Variants in DPF3 observed in about 807,000 individuals in gnomAD.
The protein encoded by DPF3 is zinc finger protein DPF3.
DPF3 carries 18 observed loss-of-function variants against 56.8 expected under a neutral mutation model. That is an observed-to-expected ratio of 0.32 (90% CI 0.22 to 0.47). The LOEUF (loss-of-function observed/expected upper bound fraction) is 0.47, where lower values mean the gene tolerates loss of function less well. DPF3 is among the 20% of genes least tolerant of loss of function. DPF3 has a pLI of 1.00. For synonymous variants in DPF3, 188 were observed against 180.2 expected (o/e 1.04, Z -0.35); for missense variants, 403 against 488.8 (o/e 0.82, Z 1.65).
intron 1 of DPF3, among the ~76,000 whole-genome samples, chr14:72,851,282 A>T (rs1051911043): frequency 6.6e-6 from 1 of 152,148 alleles, no homozygotes. Context: ...TTTGCCTTCC[A>T]GCCTAAGAAT....
intron 1 of DPF3, among the ~76,000 whole-genome samples, chr14:72,822,041 T>C (rs1883569715): frequency 6.6e-6 from 1 of 152,056 alleles, no homozygotes; most frequent in South Asian, 2.1e-4. Context: ...AATCATGGTA[T>C]GTCCACACAA....
At chr14:72,734,162 T>C (rs1889791097) in intron 3 of DPF3, among the ~76,000 whole-genome samples, 2 of 152,162 alleles carry the variant, frequency 1.3e-5, no homozygotes, top group African/African-American at 2.4e-5. Context: ...AGGCTTACAG[T>C]CCAAAGAGAC....
chr14:72,734,898 C>T (rs1459138713), intron 3 of DPF3, among the ~76,000 whole-genome samples: 2 of 152,202 alleles, frequency 1.3e-5, no homozygotes, highest in African/African-American at 2.4e-5. Flanking sequence ...GAGGGCTTGG[C>T]AAGCAGCAAA....
intron 1 of DPF3, among the ~76,000 whole-genome samples, chr14:72,790,821 A>G (rs4903060): frequency 0.98 from 148,628 of 152,236 alleles, 72,573 homozygotes; most frequent in East Asian, 1. Flanking sequence ...CAAGAGCCCC[A>G]TCGCCTCTTT....
chr14:72,711,728 G>A (rs945179670), intron 6 of DPF3, among the ~76,000 whole-genome samples: 1 of 152,120 alleles, frequency 6.6e-6, no homozygotes, highest in Admixed American at 6.5e-5. Context: ...ATGCGCAAAC[G>A]ACAAGGGGAC....
chr14:72,704,270 C>A, intron 6 of DPF3, among the ~76,000 whole-genome samples: 1 of 152,196 alleles, frequency 6.6e-6, no homozygotes, highest in East Asian at 1.9e-4. Context: ...AAACTGAATT[C>A]TCTTTTCAAT....
intron 8 of DPF3, among the ~76,000 whole-genome samples, chr14:72,652,822 T>A (rs1885953931): frequency 6.6e-6 from 1 of 152,112 alleles, no homozygotes; most frequent in African/African-American, 2.4e-5. Context: ...TGAAGGCAGA[T>A]GAACAAGAGG....
At chr14:72,736,311 A>G (rs1889893019) in intron 3 of DPF3, among the ~76,000 whole-genome samples, 1 of 152,244 alleles carries the variant, frequency 6.6e-6, no homozygotes, top group African/African-American at 2.4e-5. Context: ...ATCTCAATTC[A>G]GACTAGCCAC....
At chr14:72,856,321 C>T (rs1051139827) in intron 1 of DPF3, among the ~76,000 whole-genome samples, 3 of 152,196 alleles carry the variant, frequency 2.0e-5, no homozygotes, top group African/African-American at 4.8e-5. Flanking sequence ...TCTTTCCTTC[C>T]TTTCTGATCA....
chr14:72,750,739 T>A (rs961398826), intron 3 of DPF3, among the ~76,000 whole-genome samples: 2 of 122,416 alleles, frequency 1.6e-5, no homozygotes, highest in Non-Finnish European at 3.2e-5. Flanking sequence ...GGAGGGAAAG[T>A]CAGATAGATT....
chr14:72,790,338 C>T lies in DPF3; in HGVS notation c.33-18445G>A, dbSNP rs185057141. 2.0e-5 allele frequency among the ~76,000 whole-genome samples: 3 copies of T among 152,252 alleles called. No homozygotes were observed. In the East Asian group the frequency reaches 5.8e-4, roughly 29 times the overall value. On this transcript the variant is annotated intron_variant, in intron 1 of 10. Transcript: ENST00000556509. ...AAAGACTGGTCTAATTTGTTCACCCCTCTATCACCAGTGCCTAAAGCTGGT... is the reference window on the plus strand; with the variant it reads ...AAAGACTGGTCTAATTTGTTCACCCTTCTATCACCAGTGCCTAAAGCTGGT...
chr14:72,747,912 G>A (rs529253221), intron 3 of DPF3, among the ~76,000 whole-genome samples: 3 of 152,204 alleles, frequency 2.0e-5, no homozygotes, highest in Non-Finnish European at 4.4e-5. Context: ...GGAACTGTAA[G>A]TCCAATAAAC....
intron 6 of DPF3, among the ~76,000 whole-genome samples, chr14:72,702,381 G>C (rs957689836): frequency 2.6e-5 from 4 of 152,076 alleles, no homozygotes; most frequent in Non-Finnish European, 4.4e-5. Flanking sequence ...CCTGGCTCTG[G>C]GAACCCCATG....
intron 8 of DPF3, among the ~76,000 whole-genome samples, chr14:72,641,775 T>G (rs1885572128): frequency 6.6e-6 from 1 of 152,218 alleles, no homozygotes; most frequent in Non-Finnish European, 1.5e-5. Context: ...GCTATTCCCC[T>G]CTTCTTGAAT....
intron 2 of DPF3, among the ~76,000 whole-genome samples, chr14:72,756,928 A>AGAGAAG (rs1555504031): frequency 1.9e-4 from 27 of 139,022 alleles, no homozygotes; most frequent in African/African-American, 7.8e-4. Context: ...GAAAGAAAGA[A>AGAGAAG]AGAAGAGAAG....
chr14:72,866,864 A>T (rs1302554177), intron 1 of DPF3, among the ~76,000 whole-genome samples: 1 of 149,618 alleles, frequency 6.7e-6, no homozygotes, highest in Non-Finnish European at 1.5e-5. Context: ...CCGACTCGTG[A>T]TCCACCCGAC....
At chr14:72,681,267 C>A (rs1887156493) in intron 7 of DPF3, among the ~76,000 whole-genome samples, 1 of 152,094 alleles carries the variant, frequency 6.6e-6, no homozygotes, top group African/African-American at 2.4e-5. Flanking sequence ...ATCCTAAGTC[C>A]CTCTTATATC....
chr14:72,740,440 C>T (rs1029423205), intron 3 of DPF3, among the ~76,000 whole-genome samples: 4 of 152,108 alleles, frequency 2.6e-5, no homozygotes, highest in Non-Finnish European at 4.4e-5. Context: ...GAGCTATGCA[C>T]GATATGGACA....
chr14:72,646,514 A>G (rs1885730295), intron 8 of DPF3, among the ~76,000 whole-genome samples: 1 of 152,166 alleles, frequency 6.6e-6, no homozygotes. Context: ...CCAGTAAAAC[A>G]AGTCTGACTT....
Sources: allele counts gnomAD v4.1 joint callset (sites outside exome capture counted in the v4.1 genomes callset), GRCh38; gene constraint gnomAD v4.1.1; transcripts MANE v1.5; gene names NCBI Gene and HGNC (gene_info 2026-07-23, HGNC 2026-07-21).